ATG4A: variants seen among roughly 807,000 people sequenced by gnomAD.
The protein encoded by ATG4A is autophagy related 4A cysteine peptidase.
In ATG4A, 22 loss-of-function variants were observed where a neutral mutation model predicts 38.4. The observed-to-expected ratio is 0.57, with a 90% CI of 0.41 to 0.82. The LOEUF is 0.82. ATG4A is among the 40% of genes least tolerant of loss of function. The pLI is 0.00. For missense variants in ATG4A, 220 were observed against 290.0 expected (o/e 0.76, Z 1.75); for synonymous variants, 86 against 100.7 (o/e 0.85, Z 0.88).
At chrX:108,091,439 C>A (rs1281955736), upstream of ATG4A, 1 of 1,212,264 alleles carries the variant, frequency 8.2e-7, no homozygotes, top group Non-Finnish European at 1.1e-6. Context: ...GATTTATCGG[C>A]CAGAATACTC....
intron 1 of ATG4A, among the ~76,000 whole-genome samples, chrX:108,094,361 T>C (rs1219810248): frequency 9.0e-6 from 1 of 111,575 alleles, no homozygotes. Flanking sequence ...GCTATCTATG[T>C]CACAACTAAT....
chrX:108,138,735 T>G (rs979316394), intron 9 of ATG4A, among the ~76,000 whole-genome samples: 2 of 112,139 alleles, frequency 1.8e-5, no homozygotes, highest in South Asian at 7.5e-4. Flanking sequence ...GTCTCTTTAC[T>G]CACTAGCTGT....
rs758515983 is a variant in ATG4A at position 108,150,242 on chromosome X, G to A, written c.905G>A (p.Cys302Tyr). 12 of 1,210,548 alleles carry A rather than the reference G, an allele frequency of 9.9e-6. No homozygotes were observed. The highest frequency in any genetic ancestry group is 8.7e-5 in the African/African-American group (5 of 57,319). ...NGTVNDQTFH[C>Y]LQSPQRMNIL... The stretch of plus-strand genomic sequence containing the variant: ...ACGGTTAATGACCAGACTTTCCATT[G>A]CCTGCAGTCCCCACAGCGAATGAAC... The change falls in exon 10 of 13, where the codon TGC (cysteine) becomes TAC (tyrosine). Residue 302 changes from cysteine to tyrosine, a missense_variant. Coordinates refer to ENST00000372232, the MANE Select transcript of ATG4A (RefSeq NM_052936.5).
chrX:108,112,394 AC>A (rs1453525648), intron 1 of ATG4A, among the ~76,000 whole-genome samples: 3 of 106,905 alleles, frequency 2.8e-5, no homozygotes, highest in African/African-American at 1.0e-4. Context: ...TACTTCCCTG[AC>A]TTTTTTTTTT....
chrX:108,099,640 C>A (rs1180741788), intron 1 of ATG4A, among the ~76,000 whole-genome samples: 2 of 111,965 alleles, frequency 1.8e-5, no homozygotes, highest in Non-Finnish European at 3.8e-5. Flanking sequence ...ATTTTACATT[C>A]AAGTCCATGA....
chrX:108,124,608 T>C (rs761260893), intron 1 of ATG4A, among the ~76,000 whole-genome samples: 15 of 110,636 alleles, frequency 1.4e-4, no homozygotes, highest in Non-Finnish European at 1.7e-4. Flanking sequence ...TGCACCACCA[T>C]GCCCAGCTAA....
At chrX:108,144,619 A>T (rs2033380829) in intron 9 of ATG4A, among the ~76,000 whole-genome samples, 1 of 112,219 alleles carries the variant, frequency 8.9e-6, no homozygotes, top group Non-Finnish European at 1.9e-5. Flanking sequence ...TGGTATCCAC[A>T]GAATGGGTCA....
At chrX:108,150,816 A>G (rs886622919) in intron 10 of ATG4A, among the ~76,000 whole-genome samples, 26 of 112,417 alleles carry the variant, frequency 2.3e-4, no homozygotes, top group African/African-American at 7.4e-4. Context: ...TTACAATTCA[A>G]GATGAGATTT....
At chrX:108,144,571 T>A (rs372367391) in intron 9 of ATG4A, among the ~76,000 whole-genome samples, 1 of 111,993 alleles carries the variant, frequency 8.9e-6, no homozygotes, top group East Asian at 2.8e-4. Flanking sequence ...CATGGGCCCA[T>A]TGGGTGATGA....
At chrX:108,135,846 A>G (rs1266910926) in intron 6 of ATG4A, among the ~76,000 whole-genome samples, 1 of 107,762 alleles carries the variant, frequency 9.3e-6, no homozygotes, top group Non-Finnish European at 1.9e-5. Context: ...GTGCAGTGGC[A>G]CAATCTCCGC....
rs887450623 is a variant in ATG4A at position 108,091,947 on chromosome X, T to C, written c.10+111T>C. 4.0e-5 allele frequency: 45 copies of C among 1,134,161 alleles called. No homozygotes were observed. In the Admixed American group the frequency reaches 1.1e-3, roughly 28 times the overall value. The allele number at this position is 1,134,161 out of a possible 1,213,427, so 93.5% of individuals were successfully genotyped here. Reference sequence around the variant, plus strand: ...AGGTTCGGGGGCAGGGCAAGAGTTATGAGAGCCTAAAGGTCCTGTCCCCCG... The same window carrying C: ...AGGTTCGGGGGCAGGGCAAGAGTTACGAGAGCCTAAAGGTCCTGTCCCCCG... On this transcript the variant is annotated intron_variant, in intron 1 of 12. Coordinates refer to ENST00000372232, the MANE Select transcript of ATG4A (RefSeq NM_052936.5).
At chrX:108,094,992 T>C (rs768762260) in intron 1 of ATG4A, among the ~76,000 whole-genome samples, 40 of 112,771 alleles carry the variant, frequency 3.5e-4, no homozygotes, top group Non-Finnish European at 7.1e-4. Flanking sequence ...TCTCACTCTG[T>C]CACCCAGGCT....
intron 9 of ATG4A, among the ~76,000 whole-genome samples, chrX:108,146,172 G>T (rs1202396005): frequency 8.9e-6 from 1 of 111,857 alleles, no homozygotes; most frequent in Non-Finnish European, 1.9e-5. Context: ...CTTCATTCAA[G>T]GGGTTCTGGG....
rs948995027 is a variant in ATG4A at position 108,128,741 on chromosome X, A to G, written c.122-40A>G. The G allele has an allele frequency of 4.1e-6, 4 of 974,096 alleles. No homozygotes were observed. The African/African-American group carries it at 7.9e-5, about 19-fold the overall frequency. 80.3% of individuals were successfully genotyped at this position (974,096 alleles called of 1,213,427 possible). On this transcript the variant is annotated intron_variant, in intron 2 of 12. Coordinates refer to ENST00000372232, the MANE Select transcript of ATG4A (RefSeq NM_052936.5). Reference sequence around the variant, plus strand: ...CTCAGAAGTAAAGGTGGGTATTTTTAGATATGGTGATTTAATTTTAATTTT... The same window carrying G: ...CTCAGAAGTAAAGGTGGGTATTTTTGGATATGGTGATTTAATTTTAATTTT...
At chrX:108,107,446 G>T (rs1602619274) in intron 1 of ATG4A, among the ~76,000 whole-genome samples, 1 of 112,133 alleles carries the variant, frequency 8.9e-6, no homozygotes, top group East Asian at 2.8e-4. Flanking sequence ...GTAATTGCTT[G>T]TTGAAACATT....
chrX:108,099,710 G>T (rs906586253), intron 1 of ATG4A, among the ~76,000 whole-genome samples: 1 of 111,358 alleles, frequency 9.0e-6, no homozygotes, highest in African/African-American at 3.3e-5. Context: ...TAATTTTTTT[G>T]GATTATTGAT....
chrX:108,148,886 T>G lies in ATG4A; in HGVS notation c.815-1266T>G, dbSNP rs2148030105. Among the ~76,000 whole-genome samples, 2 of 112,377 alleles carry G rather than the reference T, an allele frequency of 1.8e-5. 1 individual carries two copies. Among genetic ancestry groups the G allele is most frequent in the South Asian group, 7.4e-4 (2 of 2,693 alleles). Reference sequence around the variant, plus strand: ...TAAACATGCATTTGTAGGAAAATACTGTTGATTTGCAGTAAAATATTTCTC... The same window carrying G: ...TAAACATGCATTTGTAGGAAAATACGGTTGATTTGCAGTAAAATATTTCTC... On this transcript the variant is annotated intron_variant, in intron 9 of 12. Coordinates refer to ENST00000372232, the MANE Select transcript of ATG4A (RefSeq NM_052936.5).
intron 4 of ATG4A, among the ~76,000 whole-genome samples, chrX:108,133,190 G>T (rs753047969): frequency 2.7e-5 from 3 of 112,465 alleles, no homozygotes; most frequent in East Asian, 2.8e-4. Context: ...TTGGCTTCAA[G>T]TGTAGTTCAG....
At chrX:108,127,797 C>T (rs1803237777) in intron 2 of ATG4A, among the ~76,000 whole-genome samples, 1 of 111,771 alleles carries the variant, frequency 8.9e-6, no homozygotes, top group African/African-American at 3.3e-5. Context: ...ATAATACAGA[C>T]ATGTTGAGAA....
Sources: gnomAD v4.1 joint callset for allele counts (sites outside exome capture counted in the v4.1 genomes callset) on GRCh38, gnomAD v4.1.1 for gene constraint, MANE v1.5 for transcripts, NCBI Gene and HGNC (gene_info 2026-07-23, HGNC 2026-07-21) for gene names.